ANXA8: variants seen among roughly 807,000 people sequenced by gnomAD.
The protein encoded by ANXA8 is VAC-beta.
ANXA8 carries 9 observed loss-of-function variants against 26.8 expected under a neutral mutation model. The ratio of observed to expected loss-of-function variants is 0.34; its 90% CI spans 0.20 to 0.59. The LOEUF is 0.59. Among genes scored for constraint, ANXA8 ranks in the 20% least tolerant of loss-of-function variants. The pLI is 0.84. For synonymous variants in ANXA8, 39 were observed against 94.8 expected (o/e 0.41, Z 3.42); for missense variants, 83 against 238.5 (o/e 0.35, Z 4.29).
the ANXA8 span, among the ~76,000 whole-genome samples, chr10:47,537,828 C>CA: frequency 1.2e-5 from 1 of 83,732 alleles, no homozygotes; most frequent in African/African-American, 4.9e-5. Context: ...TTTTTACAGA[C>CA]AATGTCAATA....
chr10:47,918,378 AG>A, the ANXA8 span, among the ~76,000 whole-genome samples: 1 of 16,816 alleles, frequency 5.9e-5, no homozygotes, highest in African/African-American at 4.8e-4. Flanking sequence ...AGAGAGAGAG[AG>A]AGAGAGAAAG....
At chr10:47,639,316 T>TATTA in the ANXA8 span, among the ~76,000 whole-genome samples, 41 of 88,118 alleles carry the variant, frequency 4.7e-4, no homozygotes, top group East Asian at 6.4e-4. Context: ...TTATTATTAT[T>TATTA]TTTTTTTTTT....
chr10:47,585,783 T>TAA, the ANXA8 span, among the ~76,000 whole-genome samples: 1,884 of 46,940 alleles, frequency 0.04, 8 homozygotes, highest in African/African-American at 0.056. Context: ...AATTTTTTTG[T>TAA]AAAAAAAAAA....
the ANXA8 span, among the ~76,000 whole-genome samples, chr10:47,651,279 AT>A: frequency 7.1e-6 from 1 of 140,626 alleles, no homozygotes; most frequent in Admixed American, 7.1e-5. Flanking sequence ...CTTAAAAAAA[AT>A]CTCAAAAAAA....
the ANXA8 span, among the ~76,000 whole-genome samples, chr10:47,709,292 A>G: frequency 1.4e-5 from 2 of 148,034 alleles, no homozygotes; most frequent in South Asian, 4.2e-4. Flanking sequence ...AAAGGAAGGA[A>G]AGAAGAATCA....
the ANXA8 span, among the ~76,000 whole-genome samples, chr10:47,554,595 C>T: frequency 1.1e-4 from 17 of 150,956 alleles, no homozygotes; most frequent in Non-Finnish European, 1.9e-4. Flanking sequence ...TCAGAGGATG[C>T]ATCTTCCTCT....
the ANXA8 span, among the ~76,000 whole-genome samples, chr10:47,952,715 G>C: frequency 6.8e-6 from 1 of 147,402 alleles, no homozygotes; most frequent in South Asian, 2.1e-4. Flanking sequence ...TGAATGTTGA[G>C]GACTTATCTA....
At chr10:47,759,805 C>T in the ANXA8 span, 2 of 1,463,640 alleles carry the variant, frequency 1.4e-6, no homozygotes, top group East Asian at 4.7e-5. Flanking sequence ...CGCTCAGCCT[C>T]CTGCTCATAT....
At chr10:47,489,955 G>C in the ANXA8 span, among the ~76,000 whole-genome samples, 1 of 150,754 alleles carries the variant, frequency 6.6e-6, no homozygotes, top group Admixed American at 6.6e-5. Flanking sequence ...TGGCTGCTGG[G>C]AGACGAGCTC....
chr10:47,486,965 T>C (rs1840060650), upstream of ANXA8, among the ~76,000 whole-genome samples: 1 of 137,910 alleles, frequency 7.3e-6, no homozygotes, highest in East Asian at 2.6e-4. Context: ...AGAGCAAGAC[T>C]CTATCTCAAA....
At chr10:47,952,738 A>T in the ANXA8 span, among the ~76,000 whole-genome samples, 1 of 147,718 alleles carries the variant, frequency 6.8e-6, no homozygotes, top group Admixed American at 6.7e-5. Flanking sequence ...TTATTTCAAG[A>T]TTACAGGAAA....
chr10:47,668,038 T>C, the ANXA8 span, among the ~76,000 whole-genome samples: 8 of 151,814 alleles, frequency 5.3e-5, no homozygotes, highest in Non-Finnish European at 1.2e-4. Context: ...GTGCCTGGCT[T>C]CACTCAGTGT....
chr10:47,986,615 A>G, the ANXA8 span: 1 of 360,596 alleles, frequency 2.8e-6, no homozygotes, highest in Non-Finnish European at 5.4e-6. Context: ...TTGAAACCTG[A>G]TTGGAGAAAC....
At chr10:47,611,799 TTTA>T in the ANXA8 span, among the ~76,000 whole-genome samples, 4,835 of 71,136 alleles carry the variant, frequency 0.068, 1,330 homozygotes, top group African/African-American at 0.19. Context: ...CAGGTTGAAA[TTTA>T]TTGATATTGA....
chr10:47,483,797 C>A (rs1839943492), intron 1 of ANXA8, 116 bp downstream of exon 1: 1 of 1,608,904 alleles, frequency 6.2e-7, no homozygotes, highest in Non-Finnish European at 8.5e-7. Context: ...CAGGAGGCAG[C>A]CAAATGTAGA....
At chr10:47,735,811 T>C in the ANXA8 span, among the ~76,000 whole-genome samples, 1 of 151,032 alleles carries the variant, frequency 6.6e-6, no homozygotes, top group African/African-American at 2.4e-5. Flanking sequence ...CTGGACACTT[T>C]TTGTATTTTT....
At chr10:47,683,385 C>T in the ANXA8 span, among the ~76,000 whole-genome samples, 8 of 151,622 alleles carry the variant, frequency 5.3e-5, no homozygotes, top group South Asian at 2.1e-4. Context: ...CCCGCCACCA[C>T]GCCCAGCTAA....
At chr10:47,932,670 C>T in the ANXA8 span, among the ~76,000 whole-genome samples, 1 of 108,570 alleles carries the variant, frequency 9.2e-6, no homozygotes, top group Non-Finnish European at 1.8e-5. Flanking sequence ...TAGGCCCTTA[C>T]CAGAAGAGAC....
chr10:47,954,788 T>A, the ANXA8 span, among the ~76,000 whole-genome samples: 2 of 151,114 alleles, frequency 1.3e-5, no homozygotes, highest in Non-Finnish European at 2.9e-5. Flanking sequence ...TAAACAAATA[T>A]TTATAACAAT....
Sources: allele counts gnomAD v4.1 joint callset (sites outside exome capture counted in the v4.1 genomes callset), GRCh38; gene constraint gnomAD v4.1.1; transcripts MANE v1.5; gene names NCBI Gene and HGNC (gene_info 2026-07-23, HGNC 2026-07-21).